The following AASS variants were observed in gnomAD, a reference collection of about 807,000 sequenced individuals.
AASS encodes aminoadipate-semialdehyde synthase, also known as alpha-aminoadipic semialdehyde synthase, mitochondrial.
In AASS, 86 loss-of-function variants were observed where a neutral mutation model predicts 105.4. That is an observed-to-expected ratio of 0.82 (90% CI 0.69 to 0.98). AASS has a LOEUF of 0.98. Ranked by LOEUF, AASS falls within the 50% of genes least tolerant of loss-of-function variation. The pLI is 0.00. For synonymous variants in AASS, 381 were observed against 394.8 expected (o/e 0.96, Z 0.41); for missense variants, 1,048 against 1,143.2 (o/e 0.92, Z 1.20).
At position 122,101,448 on chromosome 7, in the gene AASS, T is replaced by C; in HGVS notation, c.1339-10A>G. 2.5e-6 allele frequency: 4 copies of C among 1,604,202 alleles called. No individual in the cohort carries two copies. Among genetic ancestry groups the C allele is most frequent in the East Asian group, 2.2e-5 (1 of 44,744 alleles). ...TGGATGTAATCACTGCCTAAATGTA[T>C]ATGACACAAGACATTTCTTTAGTAT... is the stretch of plus-strand genomic sequence containing the variant. On this transcript the variant is annotated splice_polypyrimidine_tract_variant and intron_variant, in intron 12 of 23. Transcript: ENST00000417368.
Position 122,129,375 on chromosome 7 carries a change from C to T in AASS, c.373G>A (p.Glu125Lys), listed in dbSNP as rs1461004658. 1.2e-6 allele frequency: 2 copies of T among 1,605,276 alleles called. No homozygotes were observed. The highest frequency in any genetic ancestry group is 1.7e-6 in the Non-Finnish European group (2 of 1,174,938). Reference protein sequence around the residue: ...AQEANMGLLDEILKQEIRLID... With the variant: ...AQEANMGLLDKILKQEIRLID... ...TCACTAATTACCTGTTTTAGAATCT[C>T]ATCCAACAAGCCCATATTGGCCTCC... Residue 125 changes from glutamate (E) to lysine (K), a missense_variant, in exon 3 of 24, where the codon GAG becomes AAG. Transcript: ENST00000417368.
intron 8 of AASS, among the ~76,000 whole-genome samples, chr7:122,115,801 A>G (rs1477217457): frequency 1.2e-4 from 19 of 152,168 alleles, no homozygotes. Flanking sequence ...GAGAAGGAAT[A>G]AAGATTTCTT....
intron 7 of AASS, 29 bp downstream of exon 7, chr7:122,116,850 T>C: frequency 6.2e-7 from 1 of 1,612,748 alleles, no homozygotes. Flanking sequence ...GTTAAAAACA[T>C]TAAAAGTTAG....
chr7:122,079,570 G>A, intron 21 of AASS, 27 bp downstream of exon 21: 1 of 1,478,326 alleles, frequency 6.8e-7, no homozygotes, highest in Non-Finnish European at 9.5e-7. Context: ...AGTATATTTT[G>A]CTCTAAGTTG....
chr7:122,127,989 C>A (rs374677648), intron 3 of AASS, among the ~76,000 whole-genome samples: 2 of 152,162 alleles, frequency 1.3e-5, no homozygotes, highest in Admixed American at 1.3e-4. Flanking sequence ...CCCACCGAAG[C>A]CTTTTTCTCT....
At chr7:122,077,796 G>A (rs750181686) in intron 23 of AASS, 42 bp downstream of exon 23, 3 of 1,612,934 alleles carry the variant, frequency 1.9e-6, no homozygotes, top group African/African-American at 1.3e-5. Context: ...TGGCTTGGAG[G>A]TGAAACAGAA....
intron 4 of AASS, among the ~76,000 whole-genome samples, chr7:122,120,072 C>T (rs1399205765): frequency 6.6e-6 from 1 of 152,184 alleles, no homozygotes; most frequent in African/African-American, 2.4e-5. Context: ...GAGATTCATA[C>T]ATATTTTGTG....
chr7:122,077,504 T>G (rs1424152230), intron 23 of AASS, among the ~76,000 whole-genome samples: 1 of 152,170 alleles, frequency 6.6e-6, no homozygotes, highest in Non-Finnish European at 1.5e-5. Flanking sequence ...CTTCATGTAT[T>G]ATATCAGTTA....
rs1162080023 is a variant in AASS, at chr7:122,081,804, T to C, written c.2185-209A>G. 5 of 561,676 alleles carry C rather than the reference T, an allele frequency of 8.9e-6. No individual in the cohort carries two copies. In the South Asian group the frequency reaches 1.1e-4, roughly 12 times the overall value. The allele number at this position is 561,676 out of a possible 1,614,324, so 34.8% of individuals were successfully genotyped here. A position where few individuals can be genotyped will look rare whatever the true frequency, so the allele number is the denominator to read the frequency against. On this transcript the variant is annotated intron_variant, in intron 19 of 23. Transcript: ENST00000417368. The stretch of plus-strand genomic sequence containing the variant: ...CTCCCCACAACCCACCAAAAAAGTA[T>C]TGAGGATATAGATACAACCAATTTC...
chr7:122,123,067 A>G (rs1382710405), intron 4 of AASS, among the ~76,000 whole-genome samples: 2 of 152,144 alleles, frequency 1.3e-5, no homozygotes, highest in Non-Finnish European at 2.9e-5. Flanking sequence ...TGATGGGACA[A>G]ACTCTGAGAA....
intron 8 of AASS, among the ~76,000 whole-genome samples, chr7:122,116,153 G>C (rs1218108313): frequency 6.6e-6 from 1 of 152,134 alleles, no homozygotes; most frequent in East Asian, 1.9e-4. Context: ...AAGTGTAATA[G>C]CTTTTTCATT....
chr7:122,094,829 C>T lies in AASS; in HGVS notation c.1656-1671G>A, dbSNP rs183641742. 1.8e-4 allele frequency among the ~76,000 whole-genome samples: 28 copies of T among 152,072 alleles called. No homozygotes were observed. In the East Asian group the frequency reaches 5.5e-3, roughly 30 times the overall value. ...CATGAAAGCCTATCTCCTCCTTGGG[C>T]CCTTCTTGGAGTCTACTCAATAATG... On this transcript the variant is annotated intron_variant, in intron 15 of 23. Transcript: ENST00000417368.
chr7:122,138,818 CAGAT>C (rs559416058), intron 1 of AASS, among the ~76,000 whole-genome samples: 35 of 151,836 alleles, frequency 2.3e-4, no homozygotes, highest in Admixed American at 3.3e-4. Context: ...ATGACAGAGA[CAGAT>C]AGAGAGAGAG....
chr7:122,139,948 TCAAA>T (rs10593110), intron 1 of AASS, among the ~76,000 whole-genome samples: 86,559 of 150,256 alleles, frequency 0.58, 27,023 homozygotes, highest in African/African-American at 0.84. Flanking sequence ...TGAGACTGTC[TCAAA>T]CAAACAAACA....
chr7:122,127,987 A>G (rs1285531557), intron 3 of AASS, among the ~76,000 whole-genome samples: 1 of 152,104 alleles, frequency 6.6e-6, no homozygotes, highest in Admixed American at 6.5e-5. Flanking sequence ...TGCCCACCGA[A>G]GCCTTTTTCT....
At chr7:122,111,885 C>A (rs144393772) in intron 11 of AASS, among the ~76,000 whole-genome samples, 314 of 152,160 alleles carry the variant, frequency 2.1e-3, no homozygotes, top group African/African-American at 7.0e-3. Flanking sequence ...GCCTGGGCAA[C>A]AGGGCGAGAA....
intron 19 of AASS, 136 bp downstream of exon 19, chr7:122,085,876 A>G: frequency 1.1e-6 from 1 of 951,556 alleles, no homozygotes. Flanking sequence ...ATATTCAATC[A>G]ATCATAAGAT....
intron 23 of AASS, among the ~76,000 whole-genome samples, chr7:122,077,248 T>C (rs1357632715): frequency 1.3e-5 from 2 of 152,246 alleles, no homozygotes; most frequent in Non-Finnish European, 2.9e-5. Flanking sequence ...GCAATGCTTA[T>C]TGAATGTCTA....
intron 2 of AASS, among the ~76,000 whole-genome samples, chr7:122,131,627 T>C (rs1795921829): frequency 6.6e-6 from 1 of 151,918 alleles, no homozygotes. Context: ...TATATATATA[T>C]ATGTGTGGGC....
Sources: gnomAD v4.1 joint callset for allele counts (sites outside exome capture counted in the v4.1 genomes callset) on GRCh38, gnomAD v4.1.1 for gene constraint, MANE v1.5 for transcripts, NCBI Gene and HGNC (gene_info 2026-07-23, HGNC 2026-07-21) for gene names.